Variants in LSAMP observed in about 807,000 individuals in gnomAD.
LSAMP encodes limbic system associated membrane protein.
In LSAMP, 7 loss-of-function variants were observed where a neutral mutation model predicts 38.6. The ratio of observed to expected loss-of-function variants is 0.18; its 90% CI spans 0.10 to 0.34. The LOEUF is 0.34. Ranked by LOEUF, LSAMP falls within the 10% of genes least tolerant of loss-of-function variation. The probability of loss-of-function intolerance (pLI) is 1.00; values close to 1 mark genes in which losing one functional copy is unlikely to be tolerated. For synonymous variants in LSAMP, 154 were observed against 166.8 expected (o/e 0.92, Z 0.59); for missense variants, 313 against 420.0 (o/e 0.75, Z 2.23).
intron 1 of LSAMP, among the ~76,000 whole-genome samples, chr3:116,150,378 C>T (rs746165785): frequency 2.6e-5 from 4 of 152,016 alleles, no homozygotes; most frequent in Non-Finnish European, 5.9e-5. Flanking sequence ...TCTCTAACAC[C>T]TATGCCTGTA....
At chr3:116,374,874 G>C (rs2048474516) in intron 1 of LSAMP, among the ~76,000 whole-genome samples, 1 of 151,882 alleles carries the variant, frequency 6.6e-6, no homozygotes, top group African/African-American at 2.4e-5. Flanking sequence ...TACCAACAGA[G>C]ATTCTGAGAA....
chr3:115,811,072 CAA>C (rs1429306217), intron 6 of LSAMP, among the ~76,000 whole-genome samples: 3 of 152,146 alleles, frequency 2.0e-5, no homozygotes, highest in Non-Finnish European at 2.9e-5. Context: ...AAAACAAAAA[CAA>C]AGACGATAAC....
At chr3:116,090,726 C>A (rs905015390) in intron 1 of LSAMP, among the ~76,000 whole-genome samples, 4 of 151,936 alleles carry the variant, frequency 2.6e-5, no homozygotes, top group African/African-American at 9.7e-5. Context: ...TGGTAGGATC[C>A]GTGATGCCCC....
intron 1 of LSAMP, among the ~76,000 whole-genome samples, chr3:116,175,237 T>C (rs1286997634): frequency 1.3e-5 from 2 of 152,144 alleles, no homozygotes; most frequent in Admixed American, 1.3e-4. Context: ...TCTTTTTCTT[T>C]CTTTGGGAAA....
chr3:116,368,143 C>A (rs563814755), intron 1 of LSAMP: 1 of 152,166 alleles, frequency 6.6e-6, no homozygotes, highest in Admixed American at 6.5e-5. Flanking sequence ...TAATTAATAG[C>A]GTGTGCAGAG....
At chr3:116,310,521 G>A (rs549027107) in intron 1 of LSAMP, among the ~76,000 whole-genome samples, 1 of 152,262 alleles carries the variant, frequency 6.6e-6, no homozygotes, top group African/African-American at 2.4e-5. Flanking sequence ...GTCCTGAAAT[G>A]TTCTGGACTA....
intron 1 of LSAMP, among the ~76,000 whole-genome samples, chr3:116,358,478 A>C (rs948202043): frequency 2.0e-5 from 3 of 152,122 alleles, no homozygotes; most frequent in Non-Finnish European, 4.4e-5. Context: ...TACAAAAAGG[A>C]ATGACCTAGA....
At position 116,289,030 on chromosome 3, in the gene LSAMP, C is replaced by CACTT. The variant is rs112881795; in HGVS notation, c.155+155843_155+155846dup. ...AGGATTTATGTTACAATACAGTGCA[C>CACTT]ACTTAGAGATGGAAACTGAATTCAT... On this transcript the variant is annotated intron_variant, in intron 1 of 6. Coordinates refer to ENST00000490035, the MANE Select transcript of LSAMP (RefSeq NM_002338.5). Among the ~76,000 whole-genome samples the CACTT allele has an allele frequency of 3.3e-3, 503 of 152,210 alleles. 6 individuals carry two copies. The highest frequency in any genetic ancestry group is 0.012 in the African/African-American group (488 of 41,526).
At position 115,972,022 on chromosome 3, in the gene LSAMP, AAT is replaced by A. The variant is rs1398157128; in HGVS notation, c.514+47491_514+47492del. 2.0e-5 allele frequency among the ~76,000 whole-genome samples: 3 copies of A among 152,208 alleles called. No individual in the cohort carries two copies. The East Asian group carries it at 5.8e-4, about 29-fold the overall frequency. On this transcript the variant is annotated intron_variant, in intron 3 of 6. Coordinates refer to ENST00000490035, the MANE Select transcript of LSAMP (RefSeq NM_002338.5). The stretch of plus-strand genomic sequence containing the variant: ...AAAGATGTAGAAAATAATTTTCAAG[AAT>A]ATACATTTCATTAGGTTTAGCACAC...
At chr3:116,302,015 C>T (rs2047416440) in intron 1 of LSAMP, among the ~76,000 whole-genome samples, 1 of 152,140 alleles carries the variant, frequency 6.6e-6, no homozygotes, top group Admixed American at 6.5e-5. Context: ...TTTTTTGTAA[C>T]AGACACTGCT....
At chr3:116,321,351 C>G (rs940389644) in intron 1 of LSAMP, among the ~76,000 whole-genome samples, 9 of 151,968 alleles carry the variant, frequency 5.9e-5, no homozygotes, top group African/African-American at 2.2e-4. Flanking sequence ...CCAGCATGGC[C>G]AACAGAGTGA....
At chr3:116,310,124 T>C (rs914036011) in intron 1 of LSAMP, among the ~76,000 whole-genome samples, 2 of 152,208 alleles carry the variant, frequency 1.3e-5, no homozygotes, top group African/African-American at 4.8e-5. Context: ...AAAGAATATT[T>C]ATTTTAACCC....
At chr3:116,292,121 C>T (rs2047274691) in intron 1 of LSAMP, among the ~76,000 whole-genome samples, 1 of 152,094 alleles carries the variant, frequency 6.6e-6, no homozygotes, top group Admixed American at 6.5e-5. Context: ...TGGTAATCTC[C>T]CCTACTTCTT....
intron 3 of LSAMP, among the ~76,000 whole-genome samples, chr3:115,865,915 T>C (rs1935844882): frequency 6.6e-6 from 1 of 152,176 alleles, no homozygotes; most frequent in Non-Finnish European, 1.5e-5. Flanking sequence ...AGTTAAATTA[T>C]GAGGAGAATC....
chr3:116,342,521 T>C (rs951765073), intron 1 of LSAMP, among the ~76,000 whole-genome samples: 4 of 152,196 alleles, frequency 2.6e-5, no homozygotes, highest in Admixed American at 2.0e-4. Context: ...CAAAGAAATC[T>C]CTGTTCAACG....
rs371992661 is a variant in LSAMP, at chr3:116,232,320, G to A, written c.156-145764C>T. Among the ~76,000 whole-genome samples the A allele has an allele frequency of 7.9e-5, 12 of 152,242 alleles. No individual in the cohort carries two copies. In the East Asian group the frequency reaches 1.3e-3, roughly 17 times the overall value. On this transcript the variant is annotated intron_variant, in intron 1 of 6. Coordinates refer to ENST00000490035, the MANE Select transcript of LSAMP (RefSeq NM_002338.5). ...CAGGAAAACGATAGTAAGTGTGATC[G>A]TATGACTTACTTCTCCTTCTGTTCT... is the stretch of plus-strand genomic sequence containing the variant.
chr3:115,893,193 T>C (rs1196713761), intron 3 of LSAMP, among the ~76,000 whole-genome samples: 1 of 151,870 alleles, frequency 6.6e-6, no homozygotes, highest in African/African-American at 2.4e-5. Flanking sequence ...AAACACCTTA[T>C]GTAGATGAGG....
intron 3 of LSAMP, among the ~76,000 whole-genome samples, chr3:115,861,130 TTTCCTTCC>T (rs369018115): frequency 0.056 from 3,616 of 64,254 alleles, 115 homozygotes; most frequent in Middle Eastern, 0.12. Flanking sequence ...TCCTTCTTTC[TTTCCTTCC>T]TTCCTTCCTT....
At chr3:116,382,566 AT>A (rs1388590270) in intron 1 of LSAMP, among the ~76,000 whole-genome samples, 2 of 151,804 alleles carry the variant, frequency 1.3e-5, no homozygotes, top group Non-Finnish European at 2.9e-5. Context: ...TGACAAGTTA[AT>A]GGGTGCAGCA....
Sources: allele counts gnomAD v4.1 joint callset (sites outside exome capture counted in the v4.1 genomes callset), GRCh38; gene constraint gnomAD v4.1.1; transcripts MANE v1.5; gene names NCBI Gene and HGNC (gene_info 2026-07-23, HGNC 2026-07-21).